Variants in EBF1 observed in about 807,000 individuals in gnomAD.
EBF1 encodes the protein transcription factor COE1.
Under a neutral mutation model 68.4 loss-of-function variants are expected in EBF1, and 10 were observed. The observed-to-expected ratio is 0.15, with a 90% CI of 0.09 to 0.25. The LOEUF is 0.25. Among genes scored for constraint, EBF1 ranks in the 10% least tolerant of loss-of-function variants. The probability of loss-of-function intolerance (pLI) is 1.00; values close to 1 mark genes in which losing one functional copy is unlikely to be tolerated. For synonymous variants in EBF1, 298 were observed against 299.8 expected (o/e 0.99, Z 0.06); for missense variants, 509 against 794.4 (o/e 0.64, Z 4.32).
intron 11 of EBF1, among the ~76,000 whole-genome samples, chr5:158,720,197 G>T (rs1411705884): frequency 6.6e-6 from 1 of 151,962 alleles, no homozygotes; most frequent in Admixed American, 6.6e-5. Flanking sequence ...TTTACTGCAG[G>T]ACCCAGATTT....
At chr5:159,031,179 AAAAG>A (rs911253946) in intron 6 of EBF1, among the ~76,000 whole-genome samples, 11 of 135,190 alleles carry the variant, frequency 8.1e-5, no homozygotes, top group African/African-American at 4.2e-4. Context: ...GTCTCAAAAA[AAAAG>A]AAAAGAAAAG....
At chr5:158,873,283 C>G (rs1487284190) in intron 6 of EBF1, among the ~76,000 whole-genome samples, 2 of 152,092 alleles carry the variant, frequency 1.3e-5, no homozygotes, top group Non-Finnish European at 2.9e-5. Context: ...TCTTTACCCC[C>G]ACTAGCATCT....
chr5:158,751,559 G>C (rs922055508), intron 10 of EBF1, among the ~76,000 whole-genome samples: 16 of 152,074 alleles, frequency 1.1e-4, no homozygotes, highest in Admixed American at 9.8e-4. Flanking sequence ...ACAGTTAAGA[G>C]GATGAATTCT....
At chr5:158,782,994 G>A (rs1248675744) in intron 9 of EBF1, among the ~76,000 whole-genome samples, 1 of 151,616 alleles carries the variant, frequency 6.6e-6, no homozygotes, top group African/African-American at 2.4e-5. Flanking sequence ...CTAAATGTCT[G>A]TAACTCCAGT....
intron 6 of EBF1, among the ~76,000 whole-genome samples, chr5:158,989,321 C>T (rs533148986): frequency 3.9e-5 from 6 of 152,334 alleles, no homozygotes; most frequent in South Asian, 2.1e-4. Flanking sequence ...AATGCACAGT[C>T]GGGCCTGAAA....
intron 6 of EBF1, among the ~76,000 whole-genome samples, chr5:158,863,004 A>G (rs1330898252): frequency 6.6e-6 from 1 of 152,150 alleles, no homozygotes; most frequent in African/African-American, 2.4e-5. Flanking sequence ...CTCAAATTAT[A>G]TGTGATCTCT....
chr5:158,768,270 T>C (rs537518129), intron 10 of EBF1, among the ~76,000 whole-genome samples: 1 of 152,248 alleles, frequency 6.6e-6, no homozygotes, highest in African/African-American at 2.4e-5. Context: ...GATAATGATA[T>C]ATCTCAGTAT....
At chr5:158,710,046 A>G in intron 14 of EBF1, among the ~76,000 whole-genome samples, 1 of 152,232 alleles carries the variant, frequency 6.6e-6, no homozygotes, top group Middle Eastern at 3.2e-3. Flanking sequence ...TGTGTTCACC[A>G]GTGGAATGTC....
intron 8 of EBF1, among the ~76,000 whole-genome samples, chr5:158,809,779 G>A (rs183562732): frequency 3.0e-4 from 46 of 152,232 alleles, no homozygotes; most frequent in Non-Finnish European, 5.4e-4. Context: ...TAACACAAAC[G>A]ATAGCAACAC....
At chr5:158,875,431 T>A (rs537956773) in intron 6 of EBF1, among the ~76,000 whole-genome samples, 89 of 152,352 alleles carry the variant, frequency 5.8e-4, no homozygotes, top group South Asian at 1.0e-3. Context: ...GAGCACTTCC[T>A]ATCCGAAAAC....
intron 6 of EBF1, among the ~76,000 whole-genome samples, chr5:159,043,501 A>G (rs1161142132): frequency 6.6e-6 from 1 of 152,210 alleles, no homozygotes; most frequent in African/African-American, 2.4e-5. Context: ...CTTGGTACAT[A>G]GTAGGTGTCC....
chr5:158,822,090 A>G (rs1239097934), intron 8 of EBF1, among the ~76,000 whole-genome samples: 2 of 152,196 alleles, frequency 1.3e-5, no homozygotes, highest in Non-Finnish European at 2.9e-5. Context: ...GGAAAAAAGC[A>G]GGCAATCAGG....
intron 6 of EBF1, among the ~76,000 whole-genome samples, chr5:158,966,547 G>A (rs1417387484): frequency 2.0e-4 from 31 of 152,058 alleles, no homozygotes; most frequent in Admixed American, 1.9e-3. Context: ...TCAATAAACT[G>A]GAATTGGCGA....
At chr5:158,897,497 T>A (rs1177067995) in intron 6 of EBF1, among the ~76,000 whole-genome samples, 2 of 152,100 alleles carry the variant, frequency 1.3e-5, no homozygotes, top group Non-Finnish European at 2.9e-5. Flanking sequence ...TGAAATAATC[T>A]GTACAACAAA....
intron 10 of EBF1, among the ~76,000 whole-genome samples, chr5:158,752,106 A>G (rs919832052): frequency 3.3e-5 from 5 of 152,054 alleles, no homozygotes; most frequent in Non-Finnish European, 5.9e-5. Flanking sequence ...GATACTCAAT[A>G]AAAGTTTACT....
intron 6 of EBF1, among the ~76,000 whole-genome samples, chr5:159,070,736 G>A (rs1024022728): frequency 1.3e-5 from 2 of 152,178 alleles, no homozygotes; most frequent in African/African-American, 4.8e-5. Context: ...CGCAAGGATG[G>A]CCTGTACCCT....
At chr5:158,895,127 C>A (rs930624302) in intron 6 of EBF1, among the ~76,000 whole-genome samples, 1 of 152,132 alleles carries the variant, frequency 6.6e-6, no homozygotes, top group African/African-American at 2.4e-5. Context: ...AACAGATGAT[C>A]ATTTTCCCTT....
chr5:158,708,151 C>T lies in EBF1; in HGVS notation c.1572G>A (p.Met524Ile), dbSNP rs774078554. ...TGGAGGGGAGGCTTGTGGAGGAGGCCATGGTGGGGCTGGATGGCACTACTG... is the reference window on the plus strand; with the variant it reads ...TGGAGGGGAGGCTTGTGGAGGAGGCTATGGTGGGGCTGGATGGCACTACTG... ...PYAIVPSSPT[M>I]ASSTSLPSNC... is the part of the protein sequence containing the mutation. The change falls in exon 15 of 16, where the codon ATG becomes ATA. Residue 524 changes from methionine to isoleucine, a missense_variant. This residue lies in a region of EBF1 where 205 missense variants were observed against 247.4 expected (regional missense o/e 0.83). Transcript: ENST00000313708. 4 of 1,584,560 alleles carry T rather than the reference C, an allele frequency of 2.5e-6. No individual in the cohort carries two copies. The highest frequency in any genetic ancestry group is 3.4e-6 in the Non-Finnish European group (4 of 1,164,974).
chr5:158,969,920 A>AAAGAAAGAAAGAAAGAAAGAAAG (rs1554094009), intron 6 of EBF1, among the ~76,000 whole-genome samples: 1 of 68,630 alleles, frequency 1.5e-5, no homozygotes, highest in Non-Finnish European at 3.3e-5. Context: ...AAGAAAGAAA[A>AAAGAAAGAAAGAAAGAAAGAAAG]AAAAAAAAAA....
Sources: gnomAD v4.1 joint callset for allele counts (sites outside exome capture counted in the v4.1 genomes callset) on GRCh38, gnomAD v4.1.1 for gene constraint, gnomAD v4.1.1 regional missense constraint, MANE v1.5 for transcripts, NCBI Gene and HGNC (gene_info 2026-07-23, HGNC 2026-07-21) for gene names.